ERICH1: variants seen among roughly 807,000 people sequenced by gnomAD.
ERICH1 encodes glutamate rich 1, also known as glutamate-rich protein 1.
Under a neutral mutation model 39.6 loss-of-function variants are expected in ERICH1, and 56 were observed. The observed-to-expected ratio is 1.41, with a 90% CI of 1.14 to 1.77. The LOEUF (loss-of-function observed/expected upper bound fraction) is 1.77, where lower values mean the gene tolerates loss of function less well. ERICH1 is among the 40% of genes most tolerant of loss of function. The probability of loss-of-function intolerance (pLI) is 0.00; values close to 1 mark genes in which losing one functional copy is unlikely to be tolerated. For missense variants in ERICH1, 826 were observed against 575.4 expected, an observed-to-expected ratio of 1.44 and a Z score of -4.45; for synonymous variants, 313 against 223.6, an observed-to-expected ratio of 1.40 and a Z score of -3.57.
At chr8:677,483 A>G (rs1585223025) in intron 3 of ERICH1, among the ~76,000 whole-genome samples, 1 of 152,150 alleles carries the variant, frequency 6.6e-6, no homozygotes, top group African/African-American at 2.4e-5. Flanking sequence ...CGACACCTTC[A>G]TCTCGCTCCT....
At chr8:663,238 G>C (rs552717658), downstream of ERICH1, among the ~76,000 whole-genome samples, 19 of 152,334 alleles carry the variant, frequency 1.2e-4, 1 homozygote, top group East Asian at 3.5e-3. Context: ...GGGACGCCAA[G>C]GCTTCCTTCC....
At chr8:707,208 C>A (rs140429706) in intron 2 of ERICH1, among the ~76,000 whole-genome samples, 1 of 136,422 alleles carries the variant, frequency 7.3e-6, no homozygotes. Flanking sequence ...TTTTTTGTTT[C>A]TTTTTTTTTT....
At chr8:682,565 A>C (rs1454237644) in intron 3 of ERICH1, among the ~76,000 whole-genome samples, 1 of 152,244 alleles carries the variant, frequency 6.6e-6, no homozygotes, top group Non-Finnish European at 1.5e-5. Context: ...CACACCCAGC[A>C]GCTGAAAGCG....
chr8:617,960 G>C (rs922201910), intron 3 of ERICH1, among the ~76,000 whole-genome samples: 4 of 144,052 alleles, frequency 2.8e-5, no homozygotes, highest in Admixed American at 7.0e-5. Context: ...ACTGCCCTCT[G>C]AGTGCTGGGT....
intron 3 of ERICH1, among the ~76,000 whole-genome samples, chr8:632,498 A>G (rs955507497): frequency 2.6e-5 from 4 of 152,250 alleles, no homozygotes; most frequent in Non-Finnish European, 4.4e-5. Context: ...TCTCATCTTT[A>G]TAAGAACAAA....
At chr8:664,115 G>A (rs1801836055), downstream of ERICH1, 1 of 510,236 alleles carries the variant, frequency 2.0e-6, no homozygotes, top group Non-Finnish European at 2.5e-6. Context: ...TTCTATGACA[G>A]AAAAGAAAAT....
chr8:673,486 T>A lies in ERICH1; in HGVS notation c.866A>T (p.Asp289Val), dbSNP rs1478185284. The A allele has an allele frequency of 6.2e-7, 1 of 1,612,334 alleles. No homozygotes were observed. The highest frequency in any genetic ancestry group is 8.5e-7 in the Non-Finnish European group (1 of 1,179,504). ...GTCCTCCTCCCTGGTGTCTTTACCG[T>A]CTTCCTCCCCGGCCCGTGTCAGGTC... Reference protein sequence around the residue: ...EEDLTRAGEEDGKDTREEDGA... With the variant: ...EEDLTRAGEEVGKDTREEDGA... Residue 289 changes from aspartate (D) to valine (V), a missense_variant, in exon 4 of 6, where the codon GAC becomes GTC. By Grantham distance (152) the Asp-to-Val change is radical. Transcript: ENST00000262109.
At chr8:707,992 A>G (rs371601132) in intron 2 of ERICH1, among the ~76,000 whole-genome samples, 1 of 152,342 alleles carries the variant, frequency 6.6e-6, no homozygotes, top group East Asian at 1.9e-4. Context: ...ACGTAAGCAG[A>G]TATTTCTCTA....
chr8:650,874 G>C (rs1473726693), intron 3 of ERICH1, among the ~76,000 whole-genome samples: 3 of 152,364 alleles, frequency 2.0e-5, no homozygotes, highest in Middle Eastern at 3.4e-3. Flanking sequence ...GAGCCCTGGA[G>C]TGTGTTATCC....
intron 2 of ERICH1, among the ~76,000 whole-genome samples, chr8:705,066 G>C (rs1053206629): frequency 2.0e-5 from 3 of 152,214 alleles, no homozygotes; most frequent in Non-Finnish European, 4.4e-5. Context: ...GGGACAAATG[G>C]AATTATCAAC....
intron 3 of ERICH1, among the ~76,000 whole-genome samples, chr8:625,181 A>G (rs896035208): frequency 6.6e-6 from 1 of 152,202 alleles, no homozygotes; most frequent in Non-Finnish European, 1.5e-5. Flanking sequence ...CACGAATCCG[A>G]ACCATATCAG....
intron 1 of ERICH1, among the ~76,000 whole-genome samples, chr8:716,261 C>T (rs1449800878): frequency 6.6e-6 from 1 of 152,240 alleles, no homozygotes; most frequent in African/African-American, 2.4e-5. Context: ...CAGGGCATCA[C>T]CCTGCATCCA....
chr8:639,072 T>C (rs772173382), intron 3 of ERICH1, among the ~76,000 whole-genome samples: 46 of 152,206 alleles, frequency 3.0e-4, no homozygotes, highest in Non-Finnish European at 6.2e-4. Context: ...CCACGGTCCA[T>C]GCTGCTGAGG....
rs569379245 is a variant in ERICH1 at position 726,778 on chromosome 8, TACAC to T, written c.22+4358_22+4361del. On this transcript the variant is annotated intron_variant, in intron 1 of 5. Coordinates refer to ENST00000262109, the MANE Select transcript of ERICH1 (RefSeq NM_207332.3). ...CACCACACACAGACACATGTACACATACACACATACATGAACATGGACACATGGA... is the reference window on the plus strand; with the variant it reads ...CACCACACACAGACACATGTACACATACATACATGAACATGGACACATGGA... Among the ~76,000 whole-genome samples the T allele has an allele frequency of 7.0e-4, 101 of 143,550 alleles. 1 individual carries two copies. Among genetic ancestry groups the T allele is most frequent in the African/African-American group, 2.4e-3 (91 of 38,018 alleles). 94.2% of individuals were successfully genotyped at this position (143,550 alleles called of 152,430 possible).
chr8:661,047 G>A (rs908666642), downstream of ERICH1, among the ~76,000 whole-genome samples: 5 of 152,182 alleles, frequency 3.3e-5, no homozygotes, highest in African/African-American at 7.2e-5. Flanking sequence ...AACCTGGTAG[G>A]GAACTCACTG....
intron 1 of ERICH1, among the ~76,000 whole-genome samples, chr8:729,575 A>G (rs1375191967): frequency 2.0e-5 from 3 of 152,238 alleles, no homozygotes; most frequent in Non-Finnish European, 4.4e-5. Flanking sequence ...TGGGCTCTTC[A>G]GGTGATCTTG....
chr8:719,395 G>A (rs376258790), intron 1 of ERICH1, among the ~76,000 whole-genome samples: 22 of 152,226 alleles, frequency 1.4e-4, no homozygotes, highest in African/African-American at 3.6e-4. Flanking sequence ...TGTTCTCAGG[G>A]TGACACTGAG....
intron 3 of ERICH1, among the ~76,000 whole-genome samples, chr8:617,690 G>A (rs1388593970): frequency 1.3e-5 from 2 of 150,898 alleles, no homozygotes; most frequent in Non-Finnish European, 2.9e-5. Context: ...TGCCCTCTAA[G>A]TGGTCAGTAC....
intron 2 of ERICH1, among the ~76,000 whole-genome samples, chr8:707,039 G>C (rs1419407684): frequency 6.6e-6 from 1 of 151,774 alleles, no homozygotes; most frequent in Non-Finnish European, 1.5e-5. Flanking sequence ...TCTTGAAAAA[G>C]AACAAAGTTG....
Sources: gnomAD v4.1 joint callset for allele counts (sites outside exome capture counted in the v4.1 genomes callset) on GRCh38, gnomAD v4.1.1 for gene constraint, MANE v1.5 for transcripts, NCBI Gene and HGNC (gene_info 2026-07-23, HGNC 2026-07-21) for gene names.